CSMD3: variants seen among roughly 807,000 people sequenced by gnomAD.
CSMD3 encodes CUB and sushi domain-containing protein 3.
Under a neutral mutation model 435.2 loss-of-function variants are expected in CSMD3, and 177 were observed. That is an observed-to-expected ratio of 0.41 (90% CI 0.36 to 0.46). The LOEUF (loss-of-function observed/expected upper bound fraction) is 0.46. CSMD3 is among the 20% of genes least tolerant of loss of function. The pLI, the probability that CSMD3 is intolerant of heterozygous loss-of-function variation, is 0.34. For missense variants in CSMD3, 4,265 were observed against 4,504.6 expected, an observed-to-expected ratio of 0.95 and a Z score of 1.52; for synonymous variants, 1,656 against 1,520.5, an observed-to-expected ratio of 1.09 and a Z score of -2.07.
intron 19 of CSMD3, among the ~76,000 whole-genome samples, chr8:112,646,211 T>G (rs948213441): frequency 1.3e-5 from 2 of 152,204 alleles, no homozygotes; most frequent in Non-Finnish European, 2.9e-5. Context: ...GGACTATATG[T>G]CATGCAGCTA....
At chr8:112,358,415 G>A (rs534291456) in intron 38 of CSMD3, among the ~76,000 whole-genome samples, 40 of 152,266 alleles carry the variant, frequency 2.6e-4, no homozygotes, top group Non-Finnish European at 4.7e-4. Flanking sequence ...GAAATGTGAA[G>A]ATGTGGGATT....
chr8:112,859,672 C>CA (rs2080767849), intron 10 of CSMD3, among the ~76,000 whole-genome samples: 1 of 151,592 alleles, frequency 6.6e-6, no homozygotes, highest in Non-Finnish European at 1.5e-5. Context: ...CCCTAGGACT[C>CA]ACAATAGTGC....
At chr8:112,879,869 A>G (rs1296475563) in intron 10 of CSMD3, among the ~76,000 whole-genome samples, 1 of 151,984 alleles carries the variant, frequency 6.6e-6, no homozygotes. Context: ...GAGTTGAACA[A>G]TGAGAATACA....
At chr8:113,071,531 G>A (rs1043001723) in intron 5 of CSMD3, among the ~76,000 whole-genome samples, 6 of 151,734 alleles carry the variant, frequency 4.0e-5, no homozygotes, top group African/African-American at 1.2e-4. Flanking sequence ...ATTCTTCTTC[G>A]TGTAGATACA....
intron 63 of CSMD3, among the ~76,000 whole-genome samples, 159 bp from the exon 64 acceptor site, chr8:112,247,290 T>A (rs1181687167): frequency 6.6e-6 from 1 of 151,894 alleles, no homozygotes; most frequent in South Asian, 2.1e-4. Context: ...ATGGGAAAAA[T>A]TCAAAACTAA....
At chr8:112,921,921 A>C (rs1245259920) in intron 9 of CSMD3, among the ~76,000 whole-genome samples, 170 bp from the exon 10 acceptor site, 1 of 152,110 alleles carries the variant, frequency 6.6e-6, no homozygotes, top group Non-Finnish European at 1.5e-5. Flanking sequence ...GCTATCATCA[A>C]ATTTAATCAT....
At chr8:112,953,861 G>C (rs373635281) in intron 8 of CSMD3, among the ~76,000 whole-genome samples, 1 of 151,534 alleles carries the variant, frequency 6.6e-6, no homozygotes, top group Admixed American at 6.6e-5. Flanking sequence ...AAGAATAAAA[G>C]TAACAACATG....
intron 31 of CSMD3, among the ~76,000 whole-genome samples, chr8:112,484,038 C>T (rs779226634): frequency 1.3e-5 from 2 of 152,166 alleles, no homozygotes; most frequent in African/African-American, 2.4e-5. Flanking sequence ...TCTTTATCTT[C>T]TAGAAGCCTG....
Position 112,255,417 on chromosome 8 carries a change from A to G in CSMD3, c.9873T>C (p.Cys3291=). Reference sequence around the variant, plus strand: ...CTTGGGCAGGTATACCAGGGTCACCACAAAACTTTGCTGGAAATGAAAAGA... The same window carrying G: ...CTTGGGCAGGTATACCAGGGTCACCGCAAAACTTTGCTGGAAATGAAAAGA... ...GEVPQCLPKF[C]GDPGIPAQGK... is the part of the protein sequence containing the mutation. The change falls in exon 62 of 71, where the codon TGT becomes TGC. Residue 3291 remains cysteine (C), a synonymous_variant. Transcript: ENST00000297405. The G allele has an allele frequency of 6.2e-7, 1 of 1,613,688 alleles. No homozygotes were observed. The highest frequency in any genetic ancestry group is 8.5e-7 in the Non-Finnish European group (1 of 1,179,740).
intron 13 of CSMD3, among the ~76,000 whole-genome samples, chr8:112,783,074 C>T (rs2078434682): frequency 6.6e-6 from 1 of 151,996 alleles, no homozygotes; most frequent in Non-Finnish European, 1.5e-5. Flanking sequence ...GTGTAAACTA[C>T]TCATGTTTTT....
intron 13 of CSMD3, among the ~76,000 whole-genome samples, chr8:112,773,018 G>A (rs2078160274): frequency 6.6e-6 from 1 of 151,908 alleles, no homozygotes; most frequent in Admixed American, 6.6e-5. Context: ...TCCTCCACAT[G>A]CTGAGTCCCA....
At chr8:112,492,423 A>C (rs1820787439) in intron 31 of CSMD3, 66 bp downstream of exon 31, 4 of 1,250,526 alleles carry the variant, frequency 3.2e-6, no homozygotes, top group Non-Finnish European at 4.7e-6. Context: ...GAAACACAGA[A>C]ATGTCTTTAA....
chr8:112,954,244 TTGTTTTTTCTGAAATGA>T (rs2083929190), intron 8 of CSMD3, among the ~76,000 whole-genome samples: 1 of 151,578 alleles, frequency 6.6e-6, no homozygotes. Context: ...AAATTAAGAC[TTGTTTTTTCTGAAATGA>T]AAATTGCTAT....
intron 1 of CSMD3, among the ~76,000 whole-genome samples, chr8:113,387,664 C>A (rs1177854175): frequency 2.7e-5 from 4 of 149,554 alleles, no homozygotes; most frequent in African/African-American, 9.8e-5. Flanking sequence ...AAAGGAGGAT[C>A]CAGAAAGAAA....
At chr8:113,362,806 A>C (rs1376005878) in intron 1 of CSMD3, among the ~76,000 whole-genome samples, 1 of 152,192 alleles carries the variant, frequency 6.6e-6, no homozygotes, top group Non-Finnish European at 1.5e-5. Context: ...GATTTTCATA[A>C]GAACTTCTTC....
intron 32 of CSMD3, among the ~76,000 whole-genome samples, chr8:112,470,087 A>G (rs16883656): frequency 0.017 from 2,651 of 152,294 alleles, 79 homozygotes; most frequent in African/African-American, 0.06. Flanking sequence ...GGTAATACGA[A>G]GAAGTCAACA....
rs1236841619 is a variant in CSMD3 at position 112,386,567 on chromosome 8, A to G, written c.5935-2904T>C. Among the ~76,000 whole-genome samples, 7 of 151,732 alleles carry G rather than the reference A, an allele frequency of 4.6e-5. No homozygotes were observed. In the South Asian group the frequency reaches 6.2e-4, roughly 14 times the overall value. On this transcript the variant is annotated intron_variant, in intron 36 of 70. Coordinates refer to ENST00000297405, the MANE Select transcript of CSMD3 (RefSeq NM_198123.2). ...GGATGGAGTGCAGTGGCGCGATCTT[A>G]GCTCACTGCAACCTCTGCCTCCCGG... is the stretch of plus-strand genomic sequence containing the variant.
At chr8:112,728,394 T>C (rs904404284) in intron 13 of CSMD3, among the ~76,000 whole-genome samples, 1 of 152,104 alleles carries the variant, frequency 6.6e-6, no homozygotes, top group African/African-American at 2.4e-5. Context: ...CACGTATGTA[T>C]GTAAATATCA....
chr8:113,159,403 A>T (rs1206725274), intron 4 of CSMD3, among the ~76,000 whole-genome samples: 1 of 151,840 alleles, frequency 6.6e-6, no homozygotes, highest in Non-Finnish European at 1.5e-5. Context: ...CCTGATTGCC[A>T]TTTGTATTTT....
Sources: allele counts gnomAD v4.1 joint callset (sites outside exome capture counted in the v4.1 genomes callset), GRCh38; gene constraint gnomAD v4.1.1; transcripts MANE v1.5; gene names NCBI Gene and HGNC (gene_info 2026-07-23, HGNC 2026-07-21).